EYA3: variants seen among roughly 807,000 people sequenced by gnomAD.
EYA3 encodes EYA transcriptional coactivator and phosphatase 3.
Under a neutral mutation model 80.0 loss-of-function variants are expected in EYA3, and 39 were observed. The ratio of observed to expected loss-of-function variants is 0.49; its 90% CI spans 0.38 to 0.64. The LOEUF is 0.64. Ranked by LOEUF, EYA3 falls within the 30% of genes least tolerant of loss-of-function variation. EYA3 has a pLI of 0.00. For missense variants in EYA3, 523 were observed against 676.1 expected (o/e 0.77, Z 2.51); for synonymous variants, 206 against 232.8 (o/e 0.88, Z 1.05).
Position 28,087,873 on chromosome 1 carries a change from A to T in EYA3, c.-69+651T>A, listed in dbSNP as rs187670034. 3.2e-3 allele frequency among the ~76,000 whole-genome samples: 475 copies of T among 150,302 alleles called. 1 individual carries two copies. The highest frequency in any genetic ancestry group is 6.8e-3 in the Middle Eastern group (2 of 292). ...ACTAGGAACGCCTTTGTTGTACCCT[A>T]ACTATGGAAGCTACCAGAGTTCAGT... On this transcript the variant is annotated intron_variant, in intron 1 of 17. Coordinates refer to ENST00000373871, the MANE Select transcript of EYA3 (RefSeq NM_001990.4).
At chr1:28,076,684 AAAGAAAGAAAAG>A (rs1366081340) in intron 1 of EYA3, among the ~76,000 whole-genome samples, 1 of 13,472 alleles carries the variant, frequency 7.4e-5, no homozygotes, top group Non-Finnish European at 1.4e-4. Context: ...AAAAAAAAAG[AAAGAAAGAAAAG>A]AAAAAAAATG....
At chr1:28,002,147 TC>T (rs1640904909) in intron 11 of EYA3, among the ~76,000 whole-genome samples, 1 of 152,112 alleles carries the variant, frequency 6.6e-6, no homozygotes, top group African/African-American at 2.4e-5. Context: ...ACTCCTGACC[TC>T]AGCTGATCTG....
At chr1:28,022,499 G>A (rs1336939735) in intron 7 of EYA3, among the ~76,000 whole-genome samples, 1 of 152,106 alleles carries the variant, frequency 6.6e-6, no homozygotes, top group Non-Finnish European at 1.5e-5. Context: ...AAGGGACAGG[G>A]TTTAGAATGA....
intron 16 of EYA3, among the ~76,000 whole-genome samples, chr1:27,983,061 T>A (rs1486192465): frequency 2.6e-5 from 4 of 152,184 alleles, no homozygotes; most frequent in African/African-American, 9.7e-5. Flanking sequence ...CATGTAAGAA[T>A]TACTCAAAGG....
rs1350702387 is a variant in EYA3 at position 27,988,671 on chromosome 1, A to G, written c.1419-15T>C. On this transcript the variant is annotated splice_polypyrimidine_tract_variant and intron_variant, in intron 15 of 17. Transcript: ENST00000373871. ...CACAATTCTTTCTATAAGGGAGTAA[A>G]AGGGAAAAGAAAAGGTGAAACTAAA... 2 of 1,611,154 alleles carry G rather than the reference A, an allele frequency of 1.2e-6. No homozygotes were observed. Among genetic ancestry groups the G allele is most frequent in the Non-Finnish European group, 1.7e-6 (2 of 1,179,302 alleles).
chr1:28,066,159 G>A (rs933619068), intron 1 of EYA3, among the ~76,000 whole-genome samples: 7 of 151,888 alleles, frequency 4.6e-5, no homozygotes, highest in African/African-American at 1.7e-4. Flanking sequence ...TCATGACCCA[G>A]GCAGGAAAGA....
intron 1 of EYA3, among the ~76,000 whole-genome samples, chr1:28,078,596 A>G (rs998243293): frequency 6.6e-6 from 1 of 152,148 alleles, no homozygotes; most frequent in African/African-American, 2.4e-5. Context: ...CCCAGGCTGA[A>G]GCGCAGTGGC....
At chr1:28,063,643 C>T (rs1419446371) in intron 1 of EYA3, among the ~76,000 whole-genome samples, 1 of 152,086 alleles carries the variant, frequency 6.6e-6, no homozygotes, top group East Asian at 1.9e-4. Context: ...CCACCACATC[C>T]GGCCTAAAAC....
chr1:28,012,164 G>A (rs2148791613), intron 9 of EYA3, among the ~76,000 whole-genome samples: 1 of 152,286 alleles, frequency 6.6e-6, no homozygotes, highest in African/African-American at 2.4e-5. Context: ...AAACAAAATT[G>A]TCTATAAGTT....
intron 3 of EYA3, among the ~76,000 whole-genome samples, chr1:28,047,065 T>C (rs1644035930): frequency 6.6e-6 from 1 of 151,456 alleles, no homozygotes. Context: ...CCCAGGCTGG[T>C]CTCAAACTAC....
chr1:28,024,484 C>T (rs1315824976), intron 7 of EYA3, among the ~76,000 whole-genome samples: 1 of 151,954 alleles, frequency 6.6e-6, no homozygotes, highest in Admixed American at 6.6e-5. Context: ...TGATGAAACC[C>T]TGTCTCTACT....
intron 2 of EYA3, 68 bp from the exon 3 acceptor site, chr1:28,048,494 A>G: frequency 8.4e-7 from 1 of 1,193,090 alleles, no homozygotes; most frequent in Admixed American, 1.9e-5. Flanking sequence ...AGCTACTCAA[A>G]CAACAGGCTA....
intron 16 of EYA3, among the ~76,000 whole-genome samples, chr1:27,978,802 A>G (rs544041561): frequency 1.3e-5 from 2 of 152,304 alleles, no homozygotes; most frequent in South Asian, 2.1e-4. Context: ...CGTCTCTACT[A>G]AAAAACAAAA....
At chr1:28,064,287 T>C (rs1445601139) in intron 1 of EYA3, among the ~76,000 whole-genome samples, 2 of 151,994 alleles carry the variant, frequency 1.3e-5, no homozygotes, top group Admixed American at 6.6e-5. Flanking sequence ...GTATGACTCA[T>C]GTGACAGATG....
chr1:27,986,258 G>A (rs1639646241), intron 16 of EYA3, among the ~76,000 whole-genome samples: 2 of 151,784 alleles, frequency 1.3e-5, no homozygotes, highest in Non-Finnish European at 2.9e-5. Context: ...TCAGCTACTT[G>A]GGACGCTGAG....
In EYA3 at chr1:28,074,396, T is replaced by C. The variant is rs72658357; in HGVS notation, c.-69+14128A>G. Among the ~76,000 whole-genome samples the C allele has an allele frequency of 9.2e-3, 1,394 of 152,302 alleles. 10 individuals are homozygous for C. Among genetic ancestry groups the C allele is most frequent in the African/African-American group, 0.017 (696 of 41,564 alleles). Reference sequence around the variant, plus strand: ...ATAACTGTGAGAAAATACATGTTATTTTAGCCACCCAATCTATAGTATTCT... The same window carrying C: ...ATAACTGTGAGAAAATACATGTTATCTTAGCCACCCAATCTATAGTATTCT... On this transcript the variant is annotated intron_variant, in intron 1 of 17. Coordinates refer to ENST00000373871, the MANE Select transcript of EYA3 (RefSeq NM_001990.4).
At chr1:28,015,504 G>C (rs532039679) in intron 8 of EYA3, among the ~76,000 whole-genome samples, 1 of 152,262 alleles carries the variant, frequency 6.6e-6, no homozygotes, top group South Asian at 2.1e-4. Flanking sequence ...ACTCTGGCCT[G>C]GGTGACAGAG....
At chr1:28,019,908 G>T (rs536620169) in intron 7 of EYA3, among the ~76,000 whole-genome samples, 2 of 151,974 alleles carry the variant, frequency 1.3e-5, no homozygotes, top group African/African-American at 4.8e-5. Context: ...CACCATGTTG[G>T]TCAGGGTGGT....
At chr1:27,988,743 A>G (rs1571723112) in intron 15 of EYA3, 87 bp from the exon 16 acceptor site, 3 of 1,469,548 alleles carry the variant, frequency 2.0e-6, no homozygotes, top group Non-Finnish European at 2.8e-6. Context: ...TTAGAATTTA[A>G]TTATTAAAAA....
Sources: allele counts gnomAD v4.1 joint callset (sites outside exome capture counted in the v4.1 genomes callset), GRCh38; gene constraint gnomAD v4.1.1; transcripts MANE v1.5; gene names NCBI Gene and HGNC (gene_info 2026-07-23, HGNC 2026-07-21).